Variants in WDFY4 observed in about 807,000 individuals in gnomAD.
WDFY4 encodes WD repeat- and FYVE domain-containing protein 4.
WDFY4 carries 169 observed loss-of-function variants against 351.9 expected under a neutral mutation model. That is an observed-to-expected ratio of 0.48 (90% confidence interval 0.42 to 0.55). The LOEUF (loss-of-function observed/expected upper bound fraction) is 0.55, where lower values mean the gene tolerates loss of function less well. Among genes scored for constraint, WDFY4 ranks in the 20% least tolerant of loss-of-function variants. WDFY4 has a pLI of 0.00. For missense variants in WDFY4, 3,803 were observed against 3,935.6 expected, an observed-to-expected ratio of 0.97 and a Z score of 0.90; for synonymous variants, 1,622 against 1,574.6, an observed-to-expected ratio of 1.03 and a Z score of -0.71.
intron 34 of WDFY4, 48 bp from the exon 35 acceptor site, chr10:48,822,332 C>G: frequency 6.8e-7 from 1 of 1,481,350 alleles, no homozygotes; most frequent in Non-Finnish European, 9.0e-7. Context: ...TTGTCATGGA[C>G]AGAAGTCCAT....
chr10:48,794,725 G>A (rs182742663), intron 23 of WDFY4, among the ~76,000 whole-genome samples: 7 of 152,246 alleles, frequency 4.6e-5, no homozygotes, highest in African/African-American at 1.2e-4. Context: ...TTGAGAAGGC[G>A]GGTATGGTCA....
chr10:48,911,590 T>G (rs981987039), intron 47 of WDFY4, among the ~76,000 whole-genome samples: 2 of 152,206 alleles, frequency 1.3e-5, no homozygotes, highest in African/African-American at 4.8e-5. Flanking sequence ...TTTTAAAGTG[T>G]GTTTATTAAT....
At position 48,934,245 on chromosome 10, in the gene WDFY4, C is replaced by T. The variant is rs191298127; in HGVS notation, c.7587-7561C>T. Among the ~76,000 whole-genome samples, 190 of 152,302 alleles carry T rather than the reference C, an allele frequency of 1.2e-3. 1 individual carries two copies. Among genetic ancestry groups the T allele is most frequent in the African/African-American group, 4.5e-3 (186 of 41,544 alleles). ...ATGTATGGAGAATTTATTATGTGCC[C>T]GACCCTTTGCAAAGCAAAGACACTA... On this transcript the variant is annotated intron_variant, in intron 47 of 61. Transcript: ENST00000325239.
chr10:48,873,480 C>A lies in WDFY4; in HGVS notation c.6742-11C>A. The A allele has an allele frequency of 6.5e-7, 1 of 1,539,366 alleles. No individual in the cohort carries two copies. Among genetic ancestry groups the A allele is most frequent in the South Asian group, 1.2e-5 (1 of 82,112 alleles). ...AAATGTATCCAGGGTGACTCTGTTTCTGCTCCCCAGAGGCGAAAATGTGGC... is the reference window on the plus strand; with the variant it reads ...AAATGTATCCAGGGTGACTCTGTTTATGCTCCCCAGAGGCGAAAATGTGGC... On this transcript the variant is annotated splice_polypyrimidine_tract_variant and intron_variant, in intron 40 of 61. Transcript: ENST00000325239.
At chr10:48,840,425 T>TACACACACAC (rs10637501) in intron 39 of WDFY4, among the ~76,000 whole-genome samples, 1 of 145,634 alleles carries the variant, frequency 6.9e-6, no homozygotes, top group Non-Finnish European at 1.5e-5. Context: ...CACATACACA[T>TACACACACAC]ACACACACAC....
At chr10:48,925,314 A>T (rs1201880250) in intron 47 of WDFY4, among the ~76,000 whole-genome samples, 1 of 152,108 alleles carries the variant, frequency 6.6e-6, no homozygotes, top group Non-Finnish European at 1.5e-5. Context: ...GTATCTTCAC[A>T]GATGAAGTCC....
chr10:48,726,884 G>A (rs1364908412), intron 6 of WDFY4, among the ~76,000 whole-genome samples: 4 of 152,146 alleles, frequency 2.6e-5, no homozygotes, highest in African/African-American at 9.7e-5. Context: ...CAAATCTGAG[G>A]ACCTCTCTCT....
At chr10:48,725,777 A>C in intron 5 of WDFY4, 104 bp from the exon 6 acceptor site, 2 of 1,191,970 alleles carry the variant, frequency 1.7e-6, no homozygotes, top group Non-Finnish European at 2.3e-6. Context: ...TCCTTCTCAC[A>C]GAGACATGCT....
At chr10:48,793,871 C>G (rs1351776789) in intron 23 of WDFY4, among the ~76,000 whole-genome samples, 2 of 152,184 alleles carry the variant, frequency 1.3e-5, no homozygotes, top group African/African-American at 4.8e-5. Context: ...AGAGCATAAA[C>G]CTTCCTATCT....
chr10:48,892,708 G>T (rs1035373401), intron 44 of WDFY4, among the ~76,000 whole-genome samples: 1 of 152,202 alleles, frequency 6.6e-6, no homozygotes, highest in African/African-American at 2.4e-5. Flanking sequence ...AAATGTTTCT[G>T]TAAAAGACTG....
intron 1 of WDFY4, among the ~76,000 whole-genome samples, chr10:48,704,759 G>C (rs571583578): frequency 6.6e-6 from 1 of 152,320 alleles, no homozygotes; most frequent in East Asian, 1.9e-4. Flanking sequence ...CTGGCGAAGG[G>C]ACCCTGGCCA....
At chr10:48,870,078 C>G (rs1289999082) in intron 40 of WDFY4, among the ~76,000 whole-genome samples, 1 of 152,124 alleles carries the variant, frequency 6.6e-6, no homozygotes, top group African/African-American at 2.4e-5. Flanking sequence ...GCCTGTTGGC[C>G]CATCCTATAA....
At chr10:48,756,278 T>C (rs1398444505) in intron 12 of WDFY4, among the ~76,000 whole-genome samples, 1 of 152,080 alleles carries the variant, frequency 6.6e-6, no homozygotes, top group Non-Finnish European at 1.5e-5. Flanking sequence ...TTGAACACAC[T>C]TCCAAAGGGT....
chr10:48,886,179 T>A (rs916161731), intron 43 of WDFY4, among the ~76,000 whole-genome samples: 1 of 152,182 alleles, frequency 6.6e-6, no homozygotes, highest in Non-Finnish European at 1.5e-5. Flanking sequence ...TTCCTACCTA[T>A]AAAATCAGGG....
chr10:48,834,125 T>C (rs910251452), intron 39 of WDFY4, among the ~76,000 whole-genome samples: 1 of 152,224 alleles, frequency 6.6e-6, no homozygotes, highest in Non-Finnish European at 1.5e-5. Context: ...TCTCAGGGAA[T>C]TGACTTGTTA....
intron 2 of WDFY4, among the ~76,000 whole-genome samples, chr10:48,716,794 G>A (rs972777642): frequency 6.6e-6 from 1 of 152,180 alleles, no homozygotes; most frequent in Non-Finnish European, 1.5e-5. Flanking sequence ...GTCTTTGAGG[G>A]GTTTGTCAGT....
intron 51 of WDFY4, among the ~76,000 whole-genome samples, chr10:48,948,213 T>C (rs916834621): frequency 1.3e-5 from 2 of 152,196 alleles, no homozygotes; most frequent in African/African-American, 4.8e-5. Flanking sequence ...CTAGACATTG[T>C]ATAACCCCCT....
intron 2 of WDFY4, among the ~76,000 whole-genome samples, chr10:48,710,413 T>C (rs2063739229): frequency 6.6e-6 from 1 of 152,214 alleles, no homozygotes; most frequent in Admixed American, 6.5e-5. Flanking sequence ...TATATGAATT[T>C]TGGGGAGACC....
chr10:48,806,172 G>T, intron 27 of WDFY4, 77 bp downstream of exon 27: 1 of 1,445,322 alleles, frequency 6.9e-7, no homozygotes, highest in South Asian at 1.2e-5. Flanking sequence ...TTGTGCAGAG[G>T]GAGGGGCTAA....
Sources: allele counts gnomAD v4.1 joint callset (sites outside exome capture counted in the v4.1 genomes callset), GRCh38; gene constraint gnomAD v4.1.1; transcripts MANE v1.5; gene names NCBI Gene and HGNC (gene_info 2026-07-23, HGNC 2026-07-21).